Variants in GPC6 observed in about 807,000 individuals in gnomAD.
GPC6 encodes the protein glypican 6.
Under a neutral mutation model 55.2 loss-of-function variants are expected in GPC6, and 14 were observed. The ratio of observed to expected loss-of-function variants is 0.25; its 90% CI spans 0.17 to 0.40. The LOEUF (loss-of-function observed/expected upper bound fraction) is 0.40, where lower values mean the gene tolerates loss of function less well. GPC6 is among the 10% of genes least tolerant of loss of function. The pLI is 1.00. For synonymous variants in GPC6, 278 were observed against 259.6 expected, an observed-to-expected ratio of 1.07 and a Z score of -0.68; for missense variants, 641 against 708.5, an observed-to-expected ratio of 0.90 and a Z score of 1.08.
chr13:94,065,942 G>GA (rs1284175383), intron 4 of GPC6, among the ~76,000 whole-genome samples: 1 of 152,186 alleles, frequency 6.6e-6, no homozygotes, highest in African/African-American at 2.4e-5. Flanking sequence ...CCATCTCTGT[G>GA]AATCAGCAAA....
chr13:93,663,791 A>ATTCT (rs1449745575), intron 2 of GPC6, among the ~76,000 whole-genome samples: 16 of 152,194 alleles, frequency 1.1e-4, no homozygotes, highest in Non-Finnish European at 2.2e-4. Flanking sequence ...ATCATCCACT[A>ATTCT]ATAGCAAGGA....
intron 1 of GPC6, among the ~76,000 whole-genome samples, chr13:93,391,597 G>C (rs1004097843): frequency 6.6e-6 from 1 of 152,134 alleles, no homozygotes; most frequent in Non-Finnish European, 1.5e-5. Context: ...ATATGCATTC[G>C]TTTTGTTAAA....
intron 2 of GPC6, among the ~76,000 whole-genome samples, chr13:93,776,614 A>T (rs1885478526): frequency 6.6e-6 from 1 of 152,214 alleles, no homozygotes. Context: ...GAAAGAAAGA[A>T]GGAAAGAAAG....
intron 1 of GPC6, among the ~76,000 whole-genome samples, chr13:93,378,747 C>G (rs9524033): frequency 0.43 from 65,173 of 151,874 alleles, 15,385 homozygotes; most frequent in Non-Finnish European, 0.56. Context: ...TGTAATCCCA[C>G]CGCTTTGGGA....
chr13:94,079,738 A>G (rs1257263677), intron 4 of GPC6, among the ~76,000 whole-genome samples: 1 of 152,134 alleles, frequency 6.6e-6, no homozygotes, highest in Non-Finnish European at 1.5e-5. Flanking sequence ...ACCATTGTAA[A>G]ATCTGTCTCC....
At chr13:94,331,379 T>A (rs1877409253) in intron 6 of GPC6, among the ~76,000 whole-genome samples, 1 of 152,158 alleles carries the variant, frequency 6.6e-6, no homozygotes, top group Non-Finnish European at 1.5e-5. Context: ...TGCCCGTCCC[T>A]GATTTACAGC....
At chr13:93,655,747 A>G (rs192267161) in intron 2 of GPC6, among the ~76,000 whole-genome samples, 1 of 152,296 alleles carries the variant, frequency 6.6e-6, no homozygotes, top group East Asian at 1.9e-4. Context: ...AGTAGAATCT[A>G]AAAATGTTAC....
chr13:94,300,317 G>A (rs1257892092), intron 5 of GPC6, among the ~76,000 whole-genome samples: 1 of 152,202 alleles, frequency 6.6e-6, no homozygotes. Flanking sequence ...GCCTCCAAAA[G>A]AGTGGGCACC....
intron 1 of GPC6, among the ~76,000 whole-genome samples, chr13:93,277,150 T>C (rs1365101000): frequency 6.6e-6 from 1 of 152,190 alleles, no homozygotes; most frequent in Non-Finnish European, 1.5e-5. Context: ...TTCTTATTAT[T>C]ACATTACTTA....
At chr13:93,506,308 C>A (rs985540300) in intron 1 of GPC6, among the ~76,000 whole-genome samples, 5 of 152,166 alleles carry the variant, frequency 3.3e-5, no homozygotes, top group Admixed American at 2.0e-4. Context: ...TTGTTTCATG[C>A]ACTTTCAGCT....
chr13:94,389,039 G>A (rs1390783994), intron 7 of GPC6, among the ~76,000 whole-genome samples: 2 of 152,202 alleles, frequency 1.3e-5, no homozygotes, highest in Admixed American at 6.5e-5. Context: ...ACCAGCAGGA[G>A]CAAGTGTAAT....
intron 2 of GPC6, among the ~76,000 whole-genome samples, chr13:93,592,379 A>G (rs932687018): frequency 6.8e-5 from 10 of 147,018 alleles, no homozygotes; most frequent in African/African-American, 2.5e-4. Flanking sequence ...ATATATAAAC[A>G]TATCAATATA....
At chr13:93,747,001 C>T (rs866727031) in intron 2 of GPC6, among the ~76,000 whole-genome samples, 8 of 152,110 alleles carry the variant, frequency 5.3e-5, no homozygotes, top group Non-Finnish European at 7.4e-5. Context: ...AAATATTCTG[C>T]TATTAATGAA....
chr13:93,765,723 C>T (rs1885112281), intron 2 of GPC6, among the ~76,000 whole-genome samples: 1 of 152,142 alleles, frequency 6.6e-6, no homozygotes, highest in African/African-American at 2.4e-5. Flanking sequence ...TAATGAAATG[C>T]AAAGGTATCT....
chr13:93,865,178 C>T (rs1213084880), intron 3 of GPC6, among the ~76,000 whole-genome samples: 1 of 151,520 alleles, frequency 6.6e-6, no homozygotes. Flanking sequence ...AAATGTACTG[C>T]CCCCAAATCC....
At chr13:93,506,954 G>A (rs1286908702) in intron 1 of GPC6, among the ~76,000 whole-genome samples, 1 of 150,190 alleles carries the variant, frequency 6.7e-6, no homozygotes, top group Admixed American at 6.6e-5. Context: ...CCAGCTACTC[G>A]GGAGGCTGAG....
chr13:94,179,842 T>C (rs1181061728), intron 4 of GPC6, among the ~76,000 whole-genome samples: 1 of 152,178 alleles, frequency 6.6e-6, no homozygotes, highest in Non-Finnish European at 1.5e-5. Context: ...GGGGTAATAA[T>C]GTGTCTGCAG....
rs71203703 is a variant in GPC6 at position 93,788,518 on chromosome 13, T to TACACACACACACACACAC, written c.320-41627_320-41610dup. 4.5e-4 allele frequency among the ~76,000 whole-genome samples: 66 copies of TACACACACACACACACAC among 148,030 alleles called. 1 individual carries two copies. The highest frequency in any genetic ancestry group is 4.3e-3 in the East Asian group (21 of 4,900). ...CCTATTCTGTTCATTGTTCACTCTT[T>TACACACACACACACACAC]ACACACACACACACACACACACACA... On this transcript the variant is annotated intron_variant, in intron 2 of 8. Transcript: ENST00000377047.
chr13:94,117,847 A>T (rs1329164877), intron 4 of GPC6, among the ~76,000 whole-genome samples: 2 of 152,082 alleles, frequency 1.3e-5, no homozygotes, highest in East Asian at 3.9e-4. Context: ...GGTGAAGATG[A>T]TTTCTGAATA....
Sources: gnomAD v4.1 joint callset for allele counts (sites outside exome capture counted in the v4.1 genomes callset) on GRCh38, gnomAD v4.1.1 for gene constraint, MANE v1.5 for transcripts, NCBI Gene and HGNC (gene_info 2026-07-23, HGNC 2026-07-21) for gene names.